CLSTN2: variants seen among roughly 807,000 people sequenced by gnomAD.
CLSTN2 encodes calsyntenin-2.
A neutral mutation model predicts 101.2 loss-of-function variants in CLSTN2; 48 were observed. That is an observed-to-expected ratio of 0.47 (90% CI 0.38 to 0.60). CLSTN2 has a LOEUF of 0.60. Among genes scored for constraint, CLSTN2 ranks in the 20% least tolerant of loss-of-function variants. CLSTN2 has a pLI of 0.00. For missense variants in CLSTN2, 1,160 were observed against 1,238.2 expected (o/e 0.94, Z 0.95); for synonymous variants, 481 against 463.6 (o/e 1.04, Z -0.48).
chr3:140,527,608 A>G (rs1265735897), intron 8 of CLSTN2, among the ~76,000 whole-genome samples: 2 of 152,220 alleles, frequency 1.3e-5, no homozygotes, highest in Non-Finnish European at 2.9e-5. Flanking sequence ...CCAAAAAGAC[A>G]CATGCATTTG....
At position 140,490,097 on chromosome 3, in the gene CLSTN2, TATATATATATATATATATATACACAC is replaced by T. The variant is rs1934319193; in HGVS notation, c.1344+23368_1344+23393del. 6.2e-4 allele frequency among the ~76,000 whole-genome samples: 7 copies of T among 11,296 alleles called. 2 individuals carry two copies. Among genetic ancestry groups the T allele is most frequent in the East Asian group, 0.01 (2 of 198 alleles). 7.4% of individuals were successfully genotyped at this position (11,296 alleles called of 152,430 possible). A position where few individuals can be genotyped will look rare whatever the true frequency, so the allele number is the denominator to read the frequency against. ...GTGTGTGTGTGTGTGTGTATATATA[TATATATATATATATATATATACACAC>T]ACACACACACACACACACACACACA... On this transcript the variant is annotated intron_variant, in intron 8 of 16. Coordinates refer to ENST00000458420, the MANE Select transcript of CLSTN2 (RefSeq NM_022131.3).
At chr3:140,346,786 G>A (rs1206170339) in intron 2 of CLSTN2, among the ~76,000 whole-genome samples, 1 of 152,180 alleles carries the variant, frequency 6.6e-6, no homozygotes, top group African/African-American at 2.4e-5. Context: ...GAAGGTGGTT[G>A]GGAGGAGTGT....
intron 1 of CLSTN2, among the ~76,000 whole-genome samples, chr3:139,999,179 A>G (rs2006762502): frequency 6.6e-6 from 1 of 152,130 alleles, no homozygotes; most frequent in African/African-American, 2.4e-5. Context: ...CATTTTTAAA[A>G]TTTCAACTTT....
At chr3:140,110,553 G>C (rs945420582) in intron 1 of CLSTN2, among the ~76,000 whole-genome samples, 2 of 152,296 alleles carry the variant, frequency 1.3e-5, no homozygotes, top group Admixed American at 6.5e-5. Flanking sequence ...TTTGTTATTA[G>C]AGAAAAAATT....
At chr3:140,261,405 A>G (rs536692637) in intron 2 of CLSTN2, among the ~76,000 whole-genome samples, 1 of 152,170 alleles carries the variant, frequency 6.6e-6, no homozygotes, top group South Asian at 2.1e-4. Flanking sequence ...TTTCCCTTTA[A>G]TATATCCCCA....
chr3:140,538,950 C>CTGTT (rs1935413421), intron 9 of CLSTN2, among the ~76,000 whole-genome samples: 1 of 152,282 alleles, frequency 6.6e-6, no homozygotes, highest in South Asian at 2.1e-4. Flanking sequence ...GTAAAGCAAT[C>CTGTT]TGTTTGACTT....
intron 2 of CLSTN2, among the ~76,000 whole-genome samples, chr3:140,401,393 C>T (rs1056685355): frequency 2.6e-5 from 4 of 152,242 alleles, no homozygotes; most frequent in African/African-American, 9.6e-5. Flanking sequence ...AGACCTAGCA[C>T]AGTGCCTGAG....
chr3:140,263,785 T>C (rs189631571), intron 2 of CLSTN2, among the ~76,000 whole-genome samples: 55 of 152,304 alleles, frequency 3.6e-4, no homozygotes, highest in Admixed American at 3.3e-3. Context: ...ATTAATTACT[T>C]ATTGGTAATT....
chr3:139,972,325 C>T (rs577630666), intron 1 of CLSTN2, among the ~76,000 whole-genome samples: 24 of 152,168 alleles, frequency 1.6e-4, no homozygotes, highest in African/African-American at 5.3e-4. Flanking sequence ...GTGGGTCCTC[C>T]TTTACTCTTT....
intron 2 of CLSTN2, among the ~76,000 whole-genome samples, chr3:140,298,168 G>A (rs2087021558): frequency 6.6e-6 from 1 of 152,198 alleles, no homozygotes; most frequent in Admixed American, 6.5e-5. Context: ...CTCTGATTTA[G>A]ACAGGCTTGC....
At chr3:139,959,931 A>G (rs1295734276) in intron 1 of CLSTN2, among the ~76,000 whole-genome samples, 1 of 152,002 alleles carries the variant, frequency 6.6e-6, no homozygotes, top group East Asian at 1.9e-4. Flanking sequence ...ACCCCCTACC[A>G]GCTTATTCTC....
At chr3:140,443,792 C>A (rs1933016554) in intron 5 of CLSTN2, among the ~76,000 whole-genome samples, 1 of 152,346 alleles carries the variant, frequency 6.6e-6, no homozygotes, top group Non-Finnish European at 1.5e-5. Context: ...CTTAGCCTGG[C>A]ATATCTCGTG....
chr3:140,101,320 A>G (rs894253562), intron 1 of CLSTN2, among the ~76,000 whole-genome samples: 2 of 152,206 alleles, frequency 1.3e-5, no homozygotes, highest in Non-Finnish European at 1.5e-5. Context: ...CCAAGCAGTA[A>G]TAGTAATATT....
At chr3:140,242,907 T>C (rs1386634627) in intron 2 of CLSTN2, among the ~76,000 whole-genome samples, 2 of 152,204 alleles carry the variant, frequency 1.3e-5, no homozygotes, top group African/African-American at 4.8e-5. Context: ...GGGACTCACA[T>C]ACAGGAGCCA....
intron 13 of CLSTN2, 91 bp from the exon 14 acceptor site, chr3:140,562,719 GA>G: frequency 7.5e-7 from 1 of 1,329,440 alleles, no homozygotes; most frequent in Non-Finnish European, 1.0e-6. Flanking sequence ...CAAGACCCAT[GA>G]GGTCTTGTAC....
chr3:139,993,445 G>T (rs949525015), intron 1 of CLSTN2, among the ~76,000 whole-genome samples: 1 of 152,162 alleles, frequency 6.6e-6, no homozygotes, highest in Admixed American at 6.5e-5. Context: ...CCTGGAGTCT[G>T]CAAGGAAGAG....
rs137950888 is a variant in CLSTN2 at position 140,158,749 on chromosome 3, A to G, written c.110-17202A>G. On this transcript the variant is annotated intron_variant, in intron 1 of 16. Coordinates refer to ENST00000458420, the MANE Select transcript of CLSTN2 (RefSeq NM_022131.3). ...AAAGCAATCCTAAGGGAAAAGAATA[A>G]AAAGTGTCACACTCCCTGATTTCAA... Among the ~76,000 whole-genome samples, 344 of 152,308 alleles carry G rather than the reference A, an allele frequency of 2.3e-3. 1 individual carries two copies. Among genetic ancestry groups the G allele is most frequent in the African/African-American group, 7.8e-3 (326 of 41,572 alleles).
intron 8 of CLSTN2, among the ~76,000 whole-genome samples, chr3:140,474,873 G>T (rs1233077195): frequency 6.6e-6 from 1 of 152,156 alleles, no homozygotes; most frequent in South Asian, 2.1e-4. Context: ...ACCCAAAGGG[G>T]TGCAGAAGCA....
At chr3:140,358,853 A>G (rs1474913424) in intron 2 of CLSTN2, among the ~76,000 whole-genome samples, 2 of 152,016 alleles carry the variant, frequency 1.3e-5, no homozygotes, top group Non-Finnish European at 2.9e-5. Flanking sequence ...TGTAGGTAAC[A>G]ATGCAACAGG....
Sources: allele counts gnomAD v4.1 joint callset (sites outside exome capture counted in the v4.1 genomes callset), GRCh38; gene constraint gnomAD v4.1.1; transcripts MANE v1.5; gene names NCBI Gene and HGNC (gene_info 2026-07-23, HGNC 2026-07-21).